Variants in INF2 observed in about 807,000 individuals in gnomAD.
The protein encoded by INF2 is inverted formin-2.
INF2 carries 43 observed loss-of-function variants against 123.5 expected under a neutral mutation model. That is an observed-to-expected ratio of 0.35 (90% CI 0.27 to 0.45). The LOEUF is 0.45. Among genes scored for constraint, INF2 ranks in the 20% least tolerant of loss-of-function variants. The pLI, the probability that INF2 is intolerant of heterozygous loss-of-function variation, is 1.00. For synonymous variants in INF2, 851 were observed against 745.0 expected (o/e 1.14, Z -2.32); for missense variants, 1,453 against 1,682.7 (o/e 0.86, Z 2.39).
rs181694819 is a variant in INF2, at chr14:104,707,849, C to A, written c.1582C>A (p.Pro528Thr). ...TCCACTACTGCCCTGCACCTGCAGC[C>A]CCCCCGTGGCGGGAGGCATGGAGGA... ...PPPLLPCTCS[P>T]PVAGGMEEVI... The change falls in exon 8 of 23, where the codon CCC (proline) becomes ACC (threonine). Residue 528 changes from proline (P) to threonine (T), a missense_variant. By Grantham distance (38) the Pro-to-Thr change is conservative. Coordinates refer to ENST00000392634, the MANE Select transcript of INF2 (RefSeq NM_022489.4). The A allele has an allele frequency of 2.1e-5, 33 of 1,604,592 alleles. No individual in the cohort carries two copies. Among genetic ancestry groups the A allele is most frequent in the Admixed American group, 1.0e-4 (6 of 59,746 alleles).
In INF2 at chr14:104,715,306, T is replaced by C. The variant is rs748770666; in HGVS notation, c.3717T>C (p.Asp1239=). Residue 1239 remains aspartate, a synonymous_variant, in exon 22 of 23, where the codon GAT becomes GAC. Coordinates refer to ENST00000392634, the MANE Select transcript of INF2 (RefSeq NM_022489.4). ...SQEEVPPDSD[D]NKTKKLCVIQ is the part of the protein sequence containing the mutation. ...CAGAGGTTCCCCCTGATTCTGATGA[T>C]AATAAAACAAAGAAACTGTGTGTGA... 1 of 1,613,626 alleles carries C rather than the reference T, an allele frequency of 6.2e-7. No individual in the cohort carries two copies. Among genetic ancestry groups the C allele is most frequent in the East Asian group, 2.2e-5 (1 of 44,878 alleles).
intron 20 of INF2, among the ~76,000 whole-genome samples, 182 bp downstream of exon 20, chr14:104,713,788 CCACT>C (rs915652488): frequency 1.4e-4 from 21 of 152,228 alleles, no homozygotes; most frequent in Non-Finnish European, 2.1e-4. Flanking sequence ...ATCCCTCCCT[CCACT>C]CACTCCAGCT....
intron 1 of INF2, among the ~76,000 whole-genome samples, chr14:104,682,568 G>C (rs535070594): frequency 6.6e-6 from 1 of 152,140 alleles, no homozygotes; most frequent in Admixed American, 6.5e-5. Flanking sequence ...AAGGCAGAGC[G>C]GGCTGCCTGG....
At chr14:104,712,777 G>C (rs1180995379) in intron 17 of INF2, 51 bp from the exon 18 acceptor site, 2 of 1,549,966 alleles carry the variant, frequency 1.3e-6, no homozygotes, top group African/African-American at 2.7e-5. Flanking sequence ...CTCACCCCGG[G>C]TGGTGCCCGC....
intron 1 of INF2, among the ~76,000 whole-genome samples, chr14:104,692,310 C>T (rs1888992657): frequency 6.6e-6 from 1 of 152,270 alleles, no homozygotes; most frequent in African/African-American, 2.4e-5. Context: ...CAGTGCCATC[C>T]ATTCTGCCAG....
chr14:104,682,285 G>T (rs1888543604), intron 1 of INF2, among the ~76,000 whole-genome samples: 1 of 151,868 alleles, frequency 6.6e-6, no homozygotes, highest in Non-Finnish European at 1.5e-5. Flanking sequence ...CTTGCCCAAG[G>T]GGCTTTAGCG....
rs1056128051 is a variant in INF2 at position 104,707,085 on chromosome 14, T to C, written c.985+34T>C. 5.1e-6 allele frequency: 8 copies of C among 1,555,366 alleles called. No homozygotes were observed. The Admixed American group carries it at 5.5e-5, about 11-fold the overall frequency. On this transcript the variant is annotated intron_variant, in intron 7 of 22. Transcript: ENST00000392634. ...GCGGGGCAGGGGCGTAGGCACAGCCTGGTGGGCAGACACTGAGGTCTTAGA... is the reference window on the plus strand; with the variant it reads ...GCGGGGCAGGGGCGTAGGCACAGCCCGGTGGGCAGACACTGAGGTCTTAGA...
upstream of INF2, among the ~76,000 whole-genome samples, chr14:104,688,331 C>A (rs924686331): frequency 2.6e-5 from 4 of 151,978 alleles, no homozygotes; most frequent in Non-Finnish European, 5.9e-5. Context: ...ACGCAGCCTG[C>A]AATTCGGCGC....
intron 7 of INF2, 91 bp downstream of exon 7, chr14:104,707,142 AC>A: frequency 6.6e-7 from 1 of 1,509,722 alleles, no homozygotes; most frequent in Non-Finnish European, 8.9e-7. Context: ...CTTGGCCCCA[AC>A]CCATCCTCTG....
rs867168929 is a variant in INF2 at position 104,690,998 on chromosome 14, T to C, written c.-10+1259T>C. On this transcript the variant is annotated intron_variant, in intron 1 of 22. Coordinates refer to ENST00000392634, the MANE Select transcript of INF2 (RefSeq NM_022489.4). ...AAAGCCAGGTTGGTGCAGTGGGCCC[T>C]GCCCAGGCCCTGCCCTCCCATCCCT... is the stretch of plus-strand genomic sequence containing the variant. 4.4e-4 allele frequency among the ~76,000 whole-genome samples: 64 copies of C among 146,890 alleles called. 1 individual carries two copies. In the Middle Eastern group the frequency reaches 0.014, roughly 31 times the overall value.
At chr14:104,713,651 T>C (rs777938016) in intron 20 of INF2, 45 bp downstream of exon 20, 2 of 1,590,114 alleles carry the variant, frequency 1.3e-6, no homozygotes, top group South Asian at 1.1e-5. Flanking sequence ...CTTGCCACTG[T>C]CCCTACCCTG....
At chr14:104,714,056 C>A in intron 20 of INF2, 147 bp from the exon 21 acceptor site, 1 of 699,266 alleles carries the variant, frequency 1.4e-6, no homozygotes, top group Non-Finnish European at 2.3e-6. Flanking sequence ...GACGCTGAGG[C>A]CGGGTCCTGC....
chr14:104,681,308 C>T (rs749268327), exon 1 of INF2: 4 of 402,984 alleles, frequency 9.9e-6, no homozygotes, highest in Admixed American at 2.7e-5. Flanking sequence ...GCACTGCCAG[C>T]GAAAGGTGAA....
chr14:104,689,613 C>CCCCCCCCCCCG, upstream of INF2: 1 of 869,892 alleles, frequency 1.1e-6, no homozygotes, highest in African/African-American at 1.8e-5. Context: ...GCCCGCCCCG[C>CCCCCCCCCCCG]GCCCGCCAGG....
intron 17 of INF2, 113 bp downstream of exon 17, chr14:104,712,666 C>A (rs1890108030): frequency 1.9e-6 from 3 of 1,547,318 alleles, no homozygotes; most frequent in South Asian, 2.3e-5. Context: ...GCCCGAGTTT[C>A]CCCAGGTGTG....
In INF2 at chr14:104,701,400, C is replaced by A; in HGVS notation, c.35C>A (p.Ala12Glu). 6.3e-7 allele frequency: 1 copy of A among 1,592,990 alleles called. No homozygotes were observed. Among genetic ancestry groups the A allele is most frequent in the Non-Finnish European group, 8.6e-7 (1 of 1,169,370 alleles). ...SVKEGAQRKW[A>E]ALKEKLGPQD... ...AAGGAGGGCGCACAGCGCAAGTGGG[C>A]AGCGCTGAAGGAGAAGCTGGGGCCA... Residue 12 changes from alanine to glutamate, a missense_variant, in exon 2 of 23, where the codon GCA becomes GAA. Physicochemically the swap from Ala to Glu is moderately radical, Grantham distance 107 (BLOSUM62 -1). Transcript: ENST00000392634.
chr14:104,703,886 A>T, intron 4 of INF2, 30 bp from the exon 5 acceptor site: 1 of 1,610,740 alleles, frequency 6.2e-7, no homozygotes, highest in Non-Finnish European at 8.5e-7. Context: ...GTGGCCTCCG[A>T]ACCCTCTGAC....
At chr14:104,705,911 T>C (rs2140662727) in intron 5 of INF2, 124 bp from the exon 6 acceptor site, 3 of 1,227,886 alleles carry the variant, frequency 2.4e-6, no homozygotes, top group Non-Finnish European at 3.4e-6. Flanking sequence ...CAGCTGGCTA[T>C]GGCCTGGCTC....
Position 104,689,628 on chromosome 14 carries a change from A to G in INF2, c.-121A>G, listed in dbSNP as rs1888838567. Reference sequence around the variant, plus strand: ...GCCCGCCCCGCGCCCGCCAGGAGCCACCGTCCGAGCCTTGCGGAGCGCGGC... The same window carrying G: ...GCCCGCCCCGCGCCCGCCAGGAGCCGCCGTCCGAGCCTTGCGGAGCGCGGC... On this transcript the variant is annotated 5_prime_UTR_variant, in exon 1 of 23. Transcript: ENST00000392634. The G allele has an allele frequency of 1.9e-6, 1 of 522,386 alleles. No homozygotes were observed. The highest frequency in any genetic ancestry group is 2.4e-6 in the Non-Finnish European group (1 of 415,692). The allele number at this position is 522,386 out of a possible 1,614,324, so 32.4% of individuals were successfully genotyped here.
Sources: allele counts gnomAD v4.1 joint callset (sites outside exome capture counted in the v4.1 genomes callset), GRCh38; gene constraint gnomAD v4.1.1; transcripts MANE v1.5; gene names NCBI Gene and HGNC (gene_info 2026-07-23, HGNC 2026-07-21).